KIAA1328: variants seen among roughly 807,000 people sequenced by gnomAD.
KIAA1328 encodes the protein KIAA1328.
In KIAA1328, 52 loss-of-function variants were observed where a neutral mutation model predicts 68.1. The observed-to-expected ratio is 0.76, with a 90% confidence interval of 0.61 to 0.96. The LOEUF is 0.96. Ranked by LOEUF, KIAA1328 falls within the 40% of genes least tolerant of loss-of-function variation. The probability of loss-of-function intolerance (pLI) is 0.00; values close to 1 mark genes in which losing one functional copy is unlikely to be tolerated. For missense variants in KIAA1328, 641 were observed against 677.6 expected (o/e 0.95, Z 0.60); for synonymous variants, 232 against 239.4 (o/e 0.97, Z 0.28).
At chr18:37,079,107 T>G (rs1406708379) in intron 7 of KIAA1328, among the ~76,000 whole-genome samples, 7 of 146,124 alleles carry the variant, frequency 4.8e-5, no homozygotes, top group Admixed American at 6.8e-5. Context: ...TAGACTGGAT[T>G]AAGAAAATGT....
intron 5 of KIAA1328, among the ~76,000 whole-genome samples, chr18:36,925,792 G>C (rs944165885): frequency 3.9e-5 from 6 of 151,908 alleles, no homozygotes; most frequent in Non-Finnish European, 8.8e-5. Flanking sequence ...TTCCACCTCA[G>C]CCTCCCGAAG....
chr18:37,117,883 A>T (rs540496946), intron 7 of KIAA1328, among the ~76,000 whole-genome samples: 4,323 of 139,234 alleles, frequency 0.031, 87 homozygotes, highest in Non-Finnish European at 0.043. Flanking sequence ...GTTTAAAAAA[A>T]AAAAATATAT....
In KIAA1328 at chr18:36,932,037, T is replaced by A. The variant is rs907874030; in HGVS notation, c.449-27271T>A. 9.3e-5 allele frequency among the ~76,000 whole-genome samples: 14 copies of A among 151,256 alleles called. No individual in the cohort carries two copies. The East Asian group carries it at 2.3e-3, about 25-fold the overall frequency. On this transcript the variant is annotated intron_variant, in intron 5 of 9. Transcript: ENST00000280020. ...TTAATGGCCTTTTCCATACTTTCTA[T>A]CAGTTTATTTTACATCTTCAAGGGA...
chr18:36,918,232 A>G (rs562958229), intron 5 of KIAA1328, among the ~76,000 whole-genome samples: 1 of 151,682 alleles, frequency 6.6e-6, no homozygotes, highest in East Asian at 1.9e-4. Flanking sequence ...GCAGAGTATT[A>G]TCAGTTTTAT....
intron 6 of KIAA1328, among the ~76,000 whole-genome samples, chr18:37,056,738 C>A (rs907849567): frequency 2.0e-5 from 3 of 150,962 alleles, no homozygotes; most frequent in African/African-American, 7.3e-5. Context: ...GCAACCTCTG[C>A]CTCCTGGGTT....
chr18:37,221,861 GT>G (rs370479153), intron 9 of KIAA1328, among the ~76,000 whole-genome samples, 155 bp from the exon 10 acceptor site: 2 of 152,286 alleles, frequency 1.3e-5, no homozygotes, highest in African/African-American at 4.8e-5. Context: ...AGTCCTTCTG[GT>G]GTTTACCTTC....
Position 36,987,415 on chromosome 18 carries a change from G to A in KIAA1328, c.576+27980G>A, listed in dbSNP as rs1356377583. 3.4e-5 allele frequency among the ~76,000 whole-genome samples: 5 copies of A among 147,058 alleles called. No individual in the cohort carries two copies. In the East Asian group the frequency reaches 1.0e-3, roughly 30 times the overall value. ...ACACGTTAGTGGGTGCAGCGCACCA[G>A]CATGGCACATGTATACATATGTAAC... On this transcript the variant is annotated intron_variant, in intron 6 of 9. Coordinates refer to ENST00000280020, the MANE Select transcript of KIAA1328 (RefSeq NM_020776.3).
intron 6 of KIAA1328, among the ~76,000 whole-genome samples, chr18:37,000,548 C>T (rs1277140076): frequency 2.0e-5 from 3 of 152,062 alleles, no homozygotes; most frequent in Admixed American, 1.3e-4. Context: ...AATATACATT[C>T]CTTTCATCAG....
At chr18:36,975,434 G>T (rs908300298) in intron 6 of KIAA1328, among the ~76,000 whole-genome samples, 2 of 151,938 alleles carry the variant, frequency 1.3e-5, no homozygotes, top group Admixed American at 6.6e-5. Context: ...CGCCCGCCTC[G>T]GCCTCCCAAA....
intron 3 of KIAA1328, among the ~76,000 whole-genome samples, chr18:36,839,530 A>G (rs1217825958): frequency 6.6e-6 from 1 of 152,170 alleles, no homozygotes; most frequent in Non-Finnish European, 1.5e-5. Flanking sequence ...TCTATCATCC[A>G]AGTCATTTGT....
intron 6 of KIAA1328, among the ~76,000 whole-genome samples, chr18:36,990,696 G>GT (rs2053141732): frequency 1.3e-5 from 2 of 151,520 alleles, no homozygotes; most frequent in South Asian, 2.1e-4. Context: ...ATATATTTGT[G>GT]TTTTTTTCTA....
intron 1 of KIAA1328, among the ~76,000 whole-genome samples, chr18:36,829,656 A>T (rs979024260): frequency 5.9e-5 from 9 of 152,118 alleles, no homozygotes; most frequent in Non-Finnish European, 1.3e-4. Flanking sequence ...GCAAGTCAGG[A>T]CCTTTCGGAC....
intron 6 of KIAA1328, among the ~76,000 whole-genome samples, chr18:37,033,111 A>G (rs1344327448): frequency 6.6e-6 from 1 of 152,046 alleles, no homozygotes; most frequent in East Asian, 1.9e-4. Flanking sequence ...TTTACTTTTC[A>G]CCTATTAAAT....
At chr18:37,091,795 C>T (rs1288913406) in intron 7 of KIAA1328, among the ~76,000 whole-genome samples, 2 of 152,186 alleles carry the variant, frequency 1.3e-5, no homozygotes, top group Non-Finnish European at 2.9e-5. Flanking sequence ...CTGTTGTCCA[C>T]ATATTGTCCT....
chr18:37,200,638 C>T (rs1230309953), intron 9 of KIAA1328, among the ~76,000 whole-genome samples: 7 of 151,524 alleles, frequency 4.6e-5, no homozygotes, highest in African/African-American at 1.5e-4. Flanking sequence ...GGTGAAACCC[C>T]GTCTCTACTA....
chr18:36,945,427 A>G (rs573792906), intron 5 of KIAA1328, among the ~76,000 whole-genome samples: 16 of 152,276 alleles, frequency 1.1e-4, no homozygotes, highest in Non-Finnish European at 1.8e-4. Flanking sequence ...TTCTCTGAGC[A>G]GTAATTTACA....
chr18:37,100,226 G>A (rs897118210), intron 7 of KIAA1328, among the ~76,000 whole-genome samples: 16 of 152,154 alleles, frequency 1.1e-4, no homozygotes, highest in African/African-American at 1.4e-4. Context: ...GCAAGGCATC[G>A]CCTCACCCAG....
chr18:37,052,138 G>C (rs760556716), intron 6 of KIAA1328, among the ~76,000 whole-genome samples: 1 of 151,710 alleles, frequency 6.6e-6, no homozygotes, highest in Non-Finnish European at 1.5e-5. Flanking sequence ...CACATCAAAA[G>C]GATAATTTAT....
At chr18:37,116,769 A>G (rs144833906) in intron 7 of KIAA1328, among the ~76,000 whole-genome samples, 89 of 152,324 alleles carry the variant, frequency 5.8e-4, no homozygotes, top group Non-Finnish European at 1.1e-3. Context: ...CCATCTGACA[A>G]AGGCCTAATA....
Sources: allele counts gnomAD v4.1 joint callset (sites outside exome capture counted in the v4.1 genomes callset), GRCh38; gene constraint gnomAD v4.1.1; transcripts MANE v1.5; gene names NCBI Gene and HGNC (gene_info 2026-07-23, HGNC 2026-07-21).